Variants in SAMTOR observed in about 807,000 individuals in gnomAD.
SAMTOR encodes S-adenosylmethionine sensor upstream of mTORC1, also known as UPF0532 protein C7orf60.
chr7:112,847,107 T>TTA, the SAMTOR span, among the ~76,000 whole-genome samples: 2 of 152,326 alleles, frequency 1.3e-5, no homozygotes, highest in East Asian at 3.9e-4. Context: ...ATCAACAACA[T>TTA]TGATAAAGAC....
the SAMTOR span, among the ~76,000 whole-genome samples, chr7:112,897,427 T>C: frequency 6.6e-6 from 1 of 152,122 alleles, no homozygotes; most frequent in Non-Finnish European, 1.5e-5. Context: ...TATTCAAAAG[T>C]TCTTGAGCTA....
chr7:112,897,146 T>C, the SAMTOR span, among the ~76,000 whole-genome samples: 7 of 152,188 alleles, frequency 4.6e-5, no homozygotes, highest in Admixed American at 3.3e-4. Flanking sequence ...GAGAGCAGTT[T>C]AGAGGTTGCC....
the SAMTOR span, among the ~76,000 whole-genome samples, chr7:112,932,436 T>A: frequency 6.6e-6 from 1 of 152,188 alleles, no homozygotes; most frequent in Admixed American, 6.5e-5. Flanking sequence ...GACATGAGCA[T>A]AAATTAGAAA....
the SAMTOR span, among the ~76,000 whole-genome samples, chr7:112,922,008 C>T: frequency 2.0e-5 from 3 of 152,068 alleles, no homozygotes; most frequent in Admixed American, 6.5e-5. Context: ...GATGCCGAGC[C>T]GAAGCTGGAC....
chr7:112,885,295 C>T, the SAMTOR span, among the ~76,000 whole-genome samples: 1 of 152,204 alleles, frequency 6.6e-6, no homozygotes. Flanking sequence ...CTTGGTGATT[C>T]ACATTTGGCT....
the SAMTOR span, among the ~76,000 whole-genome samples, chr7:112,902,430 A>AC: frequency 2.3e-4 from 11 of 48,438 alleles, 3 homozygotes; most frequent in African/African-American, 6.5e-4. Flanking sequence ...AAAAAAAAAC[A>AC]AAAAAAAACA....
At chr7:112,897,227 G>C in the SAMTOR span, among the ~76,000 whole-genome samples, 3 of 152,252 alleles carry the variant, frequency 2.0e-5, no homozygotes, top group East Asian at 5.8e-4. Context: ...TCTATATCTT[G>C]ATAGTGGTGG....
At chr7:112,924,100 G>A in the SAMTOR span, among the ~76,000 whole-genome samples, 3 of 151,736 alleles carry the variant, frequency 2.0e-5, no homozygotes, top group African/African-American at 4.8e-5. Flanking sequence ...GCTAAAGGAC[G>A]AGTTAATGGG....
chr7:112,829,470 T>G, the SAMTOR span, among the ~76,000 whole-genome samples: 2 of 152,330 alleles, frequency 1.3e-5, no homozygotes, highest in East Asian at 3.9e-4. Context: ...TATCTCTATT[T>G]TAATGTCCCT....
At chr7:112,893,466 T>C in the SAMTOR span, among the ~76,000 whole-genome samples, 1 of 152,134 alleles carries the variant, frequency 6.6e-6, no homozygotes, top group East Asian at 1.9e-4. Flanking sequence ...TCACCTCTCT[T>C]AGCCTTCAAT....
chr7:112,875,277 C>A, the SAMTOR span, among the ~76,000 whole-genome samples: 1 of 152,164 alleles, frequency 6.6e-6, no homozygotes, highest in Admixed American at 6.5e-5. Context: ...TGATAACCAG[C>A]AAGTGATCAA....
chr7:112,842,522 T>A, the SAMTOR span, among the ~76,000 whole-genome samples: 2 of 151,996 alleles, frequency 1.3e-5, no homozygotes, highest in African/African-American at 4.8e-5. Flanking sequence ...AGAAGATTTA[T>A]CCATCATTTT....
the SAMTOR span, among the ~76,000 whole-genome samples, chr7:112,853,740 A>G: frequency 2.8e-4 from 42 of 152,254 alleles, no homozygotes; most frequent in Admixed American, 1.6e-3. Context: ...ACAGTAGGCT[A>G]TAACTTTTAT....
the SAMTOR span, chr7:112,935,173 C>T: frequency 4.8e-6 from 2 of 418,346 alleles, no homozygotes; most frequent in African/African-American, 2.1e-5. Flanking sequence ...AAAAAGAAAA[C>T]AGCAAAACCT....
chr7:112,851,639 G>A, the SAMTOR span, among the ~76,000 whole-genome samples: 2 of 151,952 alleles, frequency 1.3e-5, no homozygotes, highest in Admixed American at 6.6e-5. Flanking sequence ...TCAAAAGCAC[G>A]AGAACAAAAA....
At chr7:112,933,475 G>A in the SAMTOR span, among the ~76,000 whole-genome samples, 1 of 152,162 alleles carries the variant, frequency 6.6e-6, no homozygotes, top group African/African-American at 2.4e-5. Flanking sequence ...ACACAGTGGT[G>A]CAGCGAGACT....
the SAMTOR span, among the ~76,000 whole-genome samples, chr7:112,925,828 A>C: frequency 6.6e-6 from 1 of 151,972 alleles, no homozygotes; most frequent in African/African-American, 2.4e-5. Context: ...ACTTAAGACA[A>C]AGACCTGGGT....
the SAMTOR span, among the ~76,000 whole-genome samples, chr7:112,877,998 G>A: frequency 2.6e-5 from 4 of 152,094 alleles, no homozygotes; most frequent in South Asian, 2.1e-4. Context: ...TAAATTATCC[G>A]GTCTCAGGTT....
At chr7:112,841,607 C>A in the SAMTOR span, among the ~76,000 whole-genome samples, 10 of 152,170 alleles carry the variant, frequency 6.6e-5, no homozygotes, top group South Asian at 2.1e-3. Flanking sequence ...AAAAAAGGAG[C>A]CCGTATAGCC....
Sources: gnomAD v4.1 joint callset for allele counts (sites outside exome capture counted in the v4.1 genomes callset) on GRCh38, gnomAD v4.1.1 for gene constraint, MANE v1.5 for transcripts, NCBI Gene and HGNC (gene_info 2026-07-23, HGNC 2026-07-21) for gene names.